BLTP1: variants seen among roughly 807,000 people sequenced by gnomAD.
The protein encoded by BLTP1 is bridge-like lipid transfer protein family member 1, also known as fragile site-associated protein.
chr4:122,154,268 C>T, the BLTP1 span: 31 of 942,496 alleles, frequency 3.3e-5, no homozygotes, highest in Middle Eastern at 1.6e-3. Flanking sequence ...CTCCACCTCC[C>T]GGGTTCACGC....
chr4:122,197,368 G>T, the BLTP1 span: 1 of 1,022,836 alleles, frequency 9.8e-7, no homozygotes, highest in Middle Eastern at 3.5e-4. Context: ...CATTAATAAG[G>T]TTTTCTTTTT....
the BLTP1 span, among the ~76,000 whole-genome samples, chr4:122,196,037 G>A: frequency 1.3e-5 from 2 of 152,072 alleles, no homozygotes; most frequent in Non-Finnish European, 2.9e-5. Context: ...GATAAGGGGA[G>A]GCAAAAACAT....
the BLTP1 span, chr4:122,309,546 T>G: frequency 7.5e-7 from 1 of 1,328,548 alleles, no homozygotes; most frequent in Non-Finnish European, 1.0e-6. Context: ...TAAAAGATGC[T>G]TAGATATAGC....
the BLTP1 span, among the ~76,000 whole-genome samples, chr4:122,195,183 A>C: frequency 6.6e-6 from 1 of 152,200 alleles, no homozygotes; most frequent in Non-Finnish European, 1.5e-5. Context: ...GGAGTTACTG[A>C]CTTTTGAAAT....
At chr4:122,331,163 A>G in the BLTP1 span, 4 of 897,246 alleles carry the variant, frequency 4.5e-6, no homozygotes, top group Middle Eastern at 5.7e-4. Context: ...TATTCAGTAC[A>G]TAGTAGCTGA....
the BLTP1 span, among the ~76,000 whole-genome samples, chr4:122,294,250 A>G: frequency 6.6e-6 from 1 of 152,120 alleles, no homozygotes; most frequent in Non-Finnish European, 1.5e-5. Flanking sequence ...TGCTCTGCCA[A>G]GGGGCAGCCA....
the BLTP1 span, among the ~76,000 whole-genome samples, chr4:122,268,250 T>C: frequency 6.6e-6 from 1 of 152,178 alleles, no homozygotes; most frequent in Non-Finnish European, 1.5e-5. Context: ...CACTGAGAAT[T>C]AGACTATTTT....
At chr4:122,156,988 A>G in the BLTP1 span, among the ~76,000 whole-genome samples, 2 of 152,174 alleles carry the variant, frequency 1.3e-5, no homozygotes, top group African/African-American at 4.8e-5. Flanking sequence ...TGGTAGAAAG[A>G]GGAAATGGTT....
chr4:122,298,035 A>G, the BLTP1 span: 1 of 391,216 alleles, frequency 2.6e-6, no homozygotes, highest in African/African-American at 2.2e-5. Context: ...AAATGTGCAT[A>G]TCCTACAGAA....
the BLTP1 span, among the ~76,000 whole-genome samples, chr4:122,267,192 G>A: frequency 2.0e-5 from 3 of 150,876 alleles, no homozygotes; most frequent in African/African-American, 4.9e-5. Context: ...CCGAGTAGCC[G>A]GGACCACAAG....
the BLTP1 span, chr4:122,349,112 T>C: frequency 6.8e-7 from 1 of 1,477,642 alleles, no homozygotes; most frequent in Non-Finnish European, 9.1e-7. The surrounding 1 kb of genome is among the most constrained non-coding windows in gnomAD (Gnocchi z 4.5). Flanking sequence ...TTTTAATTCA[T>C]GACACTGGAA....
chr4:122,266,886 CT>C, the BLTP1 span: 2 of 1,612,576 alleles, frequency 1.2e-6, no homozygotes, highest in Non-Finnish European at 1.7e-6. Context: ...TTTTCAGGGA[CT>C]TTGGACTGCC....
At chr4:122,262,182 GTGTGTA>G in the BLTP1 span, among the ~76,000 whole-genome samples, 3 of 150,952 alleles carry the variant, frequency 2.0e-5, no homozygotes, top group Middle Eastern at 3.4e-3. Context: ...GTGTGTGTGT[GTGTGTA>G]TAGTAAGTTT....
chr4:122,339,361 C>G, the BLTP1 span: 4 of 1,613,248 alleles, frequency 2.5e-6, no homozygotes, highest in Non-Finnish European at 2.5e-6. Flanking sequence ...GGAGGTAATG[C>G]TACTCAGAGT....
the BLTP1 span, chr4:122,174,725 T>TAAAAC: frequency 8.6e-7 from 1 of 1,166,114 alleles, no homozygotes; most frequent in Non-Finnish European, 1.2e-6. Flanking sequence ...TGTTTTATGA[T>TAAAAC]ATTTTATTGA....
At chr4:122,328,849 C>A in the BLTP1 span, 1 of 756,224 alleles carries the variant, frequency 1.3e-6, no homozygotes, top group Non-Finnish European at 1.6e-6. Context: ...CTGAATATGC[C>A]CTCAAGAGGA....
the BLTP1 span, chr4:122,170,875 G>C: frequency 3.5e-6 from 2 of 571,512 alleles, no homozygotes; most frequent in Non-Finnish European, 5.9e-6. Context: ...AAGGAAGATT[G>C]TTATTTATAT....
At chr4:122,226,657 C>T in the BLTP1 span, 1 of 1,606,974 alleles carries the variant, frequency 6.2e-7, no homozygotes, top group African/African-American at 1.3e-5. Context: ...ACTCTAAACC[C>T]TTGTTTAGAA....
At chr4:122,297,130 A>C in the BLTP1 span, among the ~76,000 whole-genome samples, 10 of 152,298 alleles carry the variant, frequency 6.6e-5, no homozygotes, top group Admixed American at 6.5e-4. Flanking sequence ...ATCAGAGTAA[A>C]CAGACAGAAT....
Sources: gnomAD v4.1 joint callset for allele counts (sites outside exome capture counted in the v4.1 genomes callset) on GRCh38, gnomAD v4.1.1 for gene constraint, Gnocchi (gnomAD v3.1) non-coding constraint, MANE v1.5 for transcripts, NCBI Gene and HGNC (gene_info 2026-07-23, HGNC 2026-07-21) for gene names.